The following UBA2 variants were observed in gnomAD, a reference collection of about 807,000 sequenced individuals.
UBA2 encodes the protein SUMO-activating enzyme subunit 2.
A neutral mutation model predicts 77.2 loss-of-function variants in UBA2; 11 were observed. The ratio of observed to expected loss-of-function variants is 0.14; its 90% CI spans 0.09 to 0.24. The LOEUF (loss-of-function observed/expected upper bound fraction) is 0.24. Ranked by LOEUF, UBA2 falls within the 10% of genes least tolerant of loss-of-function variation. The pLI, the probability that UBA2 is intolerant of heterozygous loss-of-function variation, is 1.00. For synonymous variants in UBA2, 278 were observed against 276.7 expected (o/e 1.00, Z -0.05); for missense variants, 487 against 781.7 (o/e 0.62, Z 4.50).
At chr19:34,467,816 A>C (rs910785753) in intron 16 of UBA2, among the ~76,000 whole-genome samples, 9 of 152,210 alleles carry the variant, frequency 5.9e-5, no homozygotes, top group Non-Finnish European at 1.0e-4. Flanking sequence ...TTTCTTACAG[A>C]AAATAAGAAC....
At chr19:34,428,635 C>T in intron 1 of UBA2, 65 bp downstream of exon 1, 3 of 621,194 alleles carry the variant, frequency 4.8e-6, no homozygotes, top group African/African-American at 2.0e-5. Flanking sequence ...TCGGGGGTTC[C>T]GGGGCTCCAG....
In UBA2 at chr19:34,464,107, C is replaced by G; in HGVS notation, c.1580C>G (p.Thr527Ser). 1 of 1,611,792 alleles carries G rather than the reference C, an allele frequency of 6.2e-7. No individual in the cohort carries two copies. Among genetic ancestry groups the G allele is most frequent in the Non-Finnish European group, 8.5e-7 (1 of 1,177,976 alleles). Residue 527 changes from threonine (T) to serine (S), a missense_variant, in exon 15 of 17, where the codon ACT becomes AGT. Thr to Ser is a moderately conservative substitution (Grantham distance 58, BLOSUM62 1). This residue lies in a region of UBA2 where 300 missense variants were observed against 454.3 expected (regional missense o/e 0.66). Coordinates refer to ENST00000246548, the MANE Select transcript of UBA2 (RefSeq NM_005499.3). ...LQADDFLQDY[T>S]LLINILHSED... is the part of the protein sequence containing the mutation. ...GCAGATGACTTCCTCCAGGACTATA[C>G]TTTATTGATCAACATCCTTCATAGG...
At chr19:34,451,861 T>G in intron 9 of UBA2, 120 bp from the exon 10 acceptor site, 1 of 576,646 alleles carries the variant, frequency 1.7e-6, no homozygotes, top group Non-Finnish European at 2.7e-6. Context: ...ATAATTATTT[T>G]AATGGAATTT....
Position 34,428,777 on chromosome 19 carries a change from G to T in UBA2, c.138+207G>T, listed in dbSNP as rs554862340. ...CACGGGGCGGGCCTCCGCTCGCTGG[G>T]CCGGCTCCGGACGCCGAGGAGGCCG... is the stretch of plus-strand genomic sequence containing the variant. On this transcript the variant is annotated intron_variant, in intron 1 of 16. Transcript: ENST00000246548. 4 of 1,138,002 alleles carry T rather than the reference G, an allele frequency of 3.5e-6. No individual in the cohort carries two copies. The South Asian group carries it at 1.8e-4, about 52-fold the overall frequency. The allele number at this position is 1,138,002 out of a possible 1,614,324, so 70.5% of individuals were successfully genotyped here.
At chr19:34,442,726 C>G (rs2075384271) in intron 6 of UBA2, among the ~76,000 whole-genome samples, 1 of 152,188 alleles carries the variant, frequency 6.6e-6, no homozygotes. Context: ...CCACCACGCC[C>G]AGCCAAAAAT....
intron 5 of UBA2, among the ~76,000 whole-genome samples, chr19:34,437,217 C>T (rs892152295): frequency 6.6e-6 from 1 of 151,444 alleles, no homozygotes; most frequent in Admixed American, 6.6e-5. Context: ...CTGCCTTGGC[C>T]TCCCAAAGTG....
intron 9 of UBA2, among the ~76,000 whole-genome samples, chr19:34,450,742 C>CTTTTTTTTTTTTTTTTTTT (rs59580124): frequency 3.1e-4 from 26 of 83,434 alleles, no homozygotes; most frequent in Non-Finnish European, 4.7e-4. Flanking sequence ...TTATGTATAT[C>CTTTTTTTTTTTTTTTTTTT]TTTTTTTTTT....
chr19:34,457,974 T>C (rs2075586622), intron 12 of UBA2, among the ~76,000 whole-genome samples: 1 of 152,258 alleles, frequency 6.6e-6, no homozygotes, highest in Admixed American at 6.5e-5. Context: ...ATAAATGTTA[T>C]TCTAATCAGA....
rs1404101062 is a variant in UBA2, at chr19:34,457,177, A to ATAT, written c.1246-1592_1246-1591insTAT. ...AACCTGGTCTCTACTAAAAAAAAAA[A>ATAT]AAATATATATATATATATATATATA... On this transcript the variant is annotated intron_variant, in intron 12 of 16. Transcript: ENST00000246548. 2.9e-3 allele frequency among the ~76,000 whole-genome samples: 196 copies of ATAT among 68,438 alleles called. No homozygotes were observed. The East Asian group carries it at 0.034, about 12-fold the overall frequency. The allele number at this position is 68,438 out of a possible 152,430, so 44.9% of individuals were successfully genotyped here. A position where few individuals can be genotyped will look rare whatever the true frequency, so the allele number is the denominator to read the frequency against.
intron 6 of UBA2, among the ~76,000 whole-genome samples, chr19:34,442,722 C>T (rs905375696): frequency 1.3e-5 from 2 of 152,188 alleles, no homozygotes; most frequent in African/African-American, 2.4e-5. Context: ...TGAGCCACCA[C>T]GCCCAGCCAA....
chr19:34,456,453 A>G (rs552053861), intron 12 of UBA2, among the ~76,000 whole-genome samples: 1 of 152,214 alleles, frequency 6.6e-6, no homozygotes, highest in African/African-American at 2.4e-5. Context: ...ATGAAATTTC[A>G]GTTTGAAGGA....
intron 10 of UBA2, among the ~76,000 whole-genome samples, chr19:34,452,660 ATAT>A (rs1372684883): frequency 1.3e-5 from 2 of 152,238 alleles, no homozygotes; most frequent in African/African-American, 4.8e-5. Context: ...TTGAGATTTG[ATAT>A]TATGAACTAA....
rs749571435 is a variant in UBA2, at chr19:34,466,964, A to G, written c.1691A>G (p.Lys564Arg). 1.2e-6 allele frequency: 2 copies of G among 1,614,150 alleles called. No homozygotes were observed. The highest frequency in any genetic ancestry group is 1.1e-5 in the South Asian group (1 of 91,082). The change falls in exon 16 of 17, where the codon AAA becomes AGA. Residue 564 changes from lysine (K) to arginine (R), a missense_variant. Lys to Arg is a conservative substitution (Grantham distance 26). This residue lies in a region of UBA2 where 300 missense variants were observed against 454.3 expected (regional missense o/e 0.66). Transcript: ENST00000246548. The stretch of plus-strand genomic sequence containing the variant: ...CCCAAACAAGCTGAAGATGCTGCCA[A>G]AAGCATAACCAATGGCAGTGATGAT... The part of the protein sequence containing the change: ...VGPKQAEDAA[K>R]SITNGSDDGA...
chr19:34,454,654 A>G, intron 12 of UBA2, 98 bp downstream of exon 12: 1 of 642,278 alleles, frequency 1.6e-6, no homozygotes, highest in Non-Finnish European at 2.4e-6. Context: ...AAACAATAAA[A>G]TTGGTTTAAA....
At chr19:34,431,625 AGT>A (rs1381018229) in intron 2 of UBA2, among the ~76,000 whole-genome samples, 1 of 152,122 alleles carries the variant, frequency 6.6e-6, no homozygotes, top group Non-Finnish European at 1.5e-5. Flanking sequence ...TTCATGTAGA[AGT>A]GTGTTTGGTG....
chr19:34,433,498 A>C, intron 4 of UBA2, 86 bp downstream of exon 4: 4 of 948,916 alleles, frequency 4.2e-6, no homozygotes, highest in Non-Finnish European at 4.9e-6. Context: ...TTATTAGACT[A>C]TTGTGATTTA....
At chr19:34,433,964 A>G (rs912966298) in intron 4 of UBA2, among the ~76,000 whole-genome samples, 11 of 152,162 alleles carry the variant, frequency 7.2e-5, no homozygotes, top group Non-Finnish European at 1.5e-4. Flanking sequence ...TCTCAAAAAA[A>G]GAAAAAGTGT....
chr19:34,462,100 C>T (rs1351995868), intron 14 of UBA2, among the ~76,000 whole-genome samples: 1 of 152,138 alleles, frequency 6.6e-6, no homozygotes, highest in Non-Finnish European at 1.5e-5. Flanking sequence ...TCTTTCTTGT[C>T]ACATGTGCAG....
intron 6 of UBA2, among the ~76,000 whole-genome samples, chr19:34,441,447 T>G (rs566624870): frequency 6.6e-6 from 1 of 151,272 alleles, no homozygotes; most frequent in East Asian, 1.9e-4. Flanking sequence ...AGAGCGATAC[T>G]CCGTCTCAAA....
Sources: gnomAD v4.1 joint callset for allele counts (sites outside exome capture counted in the v4.1 genomes callset) on GRCh38, gnomAD v4.1.1 for gene constraint, gnomAD v4.1.1 regional missense constraint, MANE v1.5 for transcripts, NCBI Gene and HGNC (gene_info 2026-07-23, HGNC 2026-07-21) for gene names.